TIMP2: variants seen among roughly 807,000 people sequenced by gnomAD.
TIMP2 encodes the protein TIMP metallopeptidase inhibitor 2, also known as metalloproteinase inhibitor 2.
In TIMP2, 5 loss-of-function variants were observed where a neutral mutation model predicts 24.3. That is an observed-to-expected ratio of 0.21 (90% CI 0.11 to 0.43). The LOEUF is 0.43. Ranked by LOEUF, TIMP2 falls within the 20% of genes least tolerant of loss-of-function variation. The pLI is 1.00. For missense variants in TIMP2, 221 were observed against 297.5 expected (o/e 0.74, Z 1.89); for synonymous variants, 130 against 123.2 (o/e 1.06, Z -0.37).
Position 78,891,399 on chromosome 17 carries a change from T to C in TIMP2, c.131-17480A>G. 6 of 1,550,768 alleles carry C rather than the reference T, an allele frequency of 3.9e-6. No homozygotes were observed. Among genetic ancestry groups the C allele is most frequent in the Non-Finnish European group, 5.2e-6 (6 of 1,147,040 alleles). ...TGCCCTTCCCCAGGTCTCTGGTCCATCCTGGGCTTCAGTGCCAGGTACAAG... is the reference window on the plus strand; with the variant it reads ...TGCCCTTCCCCAGGTCTCTGGTCCACCCTGGGCTTCAGTGCCAGGTACAAG... On this transcript the variant is annotated intron_variant, in intron 1 of 4. Coordinates refer to ENST00000262768, the MANE Select transcript of TIMP2 (RefSeq NM_003255.5). The surrounding 1 kb of genome is among the most constrained non-coding windows in gnomAD (Gnocchi z 4.5).
intron 1 of TIMP2, among the ~76,000 whole-genome samples, chr17:78,893,010 T>C (rs2069925882): frequency 6.6e-6 from 1 of 151,834 alleles, no homozygotes; most frequent in Admixed American, 6.6e-5. Flanking sequence ...GAATTGATCG[T>C]AAAGGAAAGG....
intron 1 of TIMP2, among the ~76,000 whole-genome samples, chr17:78,905,757 G>C (rs2070153045): frequency 6.6e-6 from 1 of 152,254 alleles, no homozygotes; most frequent in African/African-American, 2.4e-5. Context: ...TGTTCTCTCT[G>C]GCATGGGATT....
At chr17:78,879,089 G>A (rs1429372322) in intron 1 of TIMP2, among the ~76,000 whole-genome samples, 2 of 152,228 alleles carry the variant, frequency 1.3e-5, no homozygotes, top group East Asian at 3.9e-4. Flanking sequence ...CCTGTCGGGG[G>A]TTGTTGCCCA....
chr17:78,860,170 T>C (rs1356813084), intron 3 of TIMP2, among the ~76,000 whole-genome samples: 3 of 151,950 alleles, frequency 2.0e-5, no homozygotes, highest in Non-Finnish European at 2.9e-5. Flanking sequence ...AGTAAGACTC[T>C]GTCTTCAAAA....
At position 78,855,764 on chromosome 17, in the gene TIMP2, T is replaced by C. The variant is rs2145743161; in HGVS notation, c.566A>G (p.Lys189Arg). The change falls in exon 5 of 5, where the codon AAG (lysine) becomes AGG (arginine). Residue 189 changes from lysine to arginine, a missense_variant. Transcript: ENST00000262768. The surrounding 1 kb of genome is among the most constrained non-coding windows in gnomAD (Gnocchi z 6.0). ...ACTTCTCTTGATGCAGGCGAAGAAC[T>C]TGGCCTGGTGCCCGTTGATGTTCTT... Reference protein sequence around the residue: ...TEKNINGHQAKFFACIKRSDG... With the variant: ...TEKNINGHQARFFACIKRSDG... The C allele has an allele frequency of 3.7e-6, 6 of 1,614,198 alleles. No homozygotes were observed. The highest frequency in any genetic ancestry group is 3.3e-4 in the Middle Eastern group (2 of 6,062).
At chr17:78,884,387 A>T (rs559529042) in intron 1 of TIMP2, among the ~76,000 whole-genome samples, 166 of 152,272 alleles carry the variant, frequency 1.1e-3, no homozygotes, top group Non-Finnish European at 1.9e-3. Context: ...ATTGGCACTG[A>T]CTGTCTTTGA....
chr17:78,911,771 T>C (rs61162916), intron 1 of TIMP2, among the ~76,000 whole-genome samples: 87,167 of 150,972 alleles, frequency 0.58, 25,625 homozygotes, highest in African/African-American at 0.7. Context: ...CTTGGCAGGG[T>C]GTGGTGGCTC....
intron 1 of TIMP2, chr17:78,890,771 C>T: frequency 6.4e-7 from 1 of 1,550,634 alleles, no homozygotes. Flanking sequence ...GTCGGCGAGG[C>T]TGGTGCCCGA....
At chr17:78,860,612 C>T (rs944407920) in intron 3 of TIMP2, among the ~76,000 whole-genome samples, 7 of 152,196 alleles carry the variant, frequency 4.6e-5, no homozygotes, top group Non-Finnish European at 1.0e-4. Context: ...CCTTTATCTT[C>T]GGGTCCTTTT....
Position 78,871,083 on chromosome 17 carries a change from C to T in TIMP2, c.232-77G>A, listed in dbSNP as rs111507479. On this transcript the variant is annotated intron_variant, in intron 2 of 4. Transcript: ENST00000262768. Reference sequence around the variant, plus strand: ...TGAATTCCGTTCCCATCCAGAACACCCTGGGCGGCACAACCTGTAGCTGGG... The same window carrying T: ...TGAATTCCGTTCCCATCCAGAACACTCTGGGCGGCACAACCTGTAGCTGGG... 32 of 1,254,720 alleles carry T rather than the reference C, an allele frequency of 2.6e-5. No homozygotes were observed. In the African/African-American group the frequency reaches 4.1e-4, roughly 16 times the overall value. The allele number at this position is 1,254,720 out of a possible 1,614,324, so 77.7% of individuals were successfully genotyped here.
chr17:78,883,810 C>T (rs2069800258), intron 1 of TIMP2, among the ~76,000 whole-genome samples: 1 of 152,170 alleles, frequency 6.6e-6, no homozygotes, highest in Non-Finnish European at 1.5e-5. Context: ...AGCCTTCCTG[C>T]CGCCCTCCCC....
In TIMP2 at chr17:78,855,823, C is replaced by T. The variant is rs775521446; in HGVS notation, c.507G>A (p.Pro169=). The change falls in exon 5 of 5, where the codon CCG becomes CCA. Residue 169 remains proline, a synonymous_variant. Transcript: ENST00000262768. The surrounding 1 kb of genome is among the most constrained non-coding windows in gnomAD (Gnocchi z 6.0). ...CPMIPCYISS[P]DECLWMDWVT... ...CCCAGTCCATCCAGAGGCACTCGTC[C>T]GGGGAGGAGATGTAGCACGGGATCA... The T allele has an allele frequency of 1.2e-5, 19 of 1,613,948 alleles. No individual in the cohort carries two copies. Among genetic ancestry groups the T allele is most frequent in the African/African-American group, 1.3e-5 (1 of 74,894 alleles).
chr17:78,911,268 A>C (rs2070204477), intron 1 of TIMP2, among the ~76,000 whole-genome samples: 1 of 152,078 alleles, frequency 6.6e-6, no homozygotes, highest in Non-Finnish European at 1.5e-5. Flanking sequence ...GGAAAGGGGA[A>C]GCTGGTCTTC....
Position 78,891,352 on chromosome 17 carries a change from C to T in TIMP2, c.131-17433G>A. ...TCCCTCTTGGGGTCCCAGCGCCACA[C>T]TCTTGCATCTCTGAGAAGGCATGCC... On this transcript the variant is annotated intron_variant, in intron 1 of 4. Coordinates refer to ENST00000262768, the MANE Select transcript of TIMP2 (RefSeq NM_003255.5). This position sits in a 1 kb window ranked among gnomAD's most constrained non-coding sequence, Gnocchi z 4.5. 4 of 1,550,550 alleles carry T rather than the reference C, an allele frequency of 2.6e-6. No individual in the cohort carries two copies. The highest frequency in any genetic ancestry group is 3.5e-6 in the Non-Finnish European group (4 of 1,146,990).
intron 1 of TIMP2, among the ~76,000 whole-genome samples, chr17:78,878,003 G>A (rs1314981380): frequency 6.6e-6 from 1 of 152,162 alleles, no homozygotes. Context: ...ACCGCGCCCG[G>A]CCTTGGAGCT....
At chr17:78,907,613 T>A (rs145598040) in intron 1 of TIMP2, among the ~76,000 whole-genome samples, 1 of 152,166 alleles carries the variant, frequency 6.6e-6, no homozygotes, top group African/African-American at 2.4e-5. Context: ...CAAGAATTAT[T>A]AAAATGGGAC....
At chr17:78,903,260 G>C (rs964628943) in intron 1 of TIMP2, 1 of 152,374 alleles carries the variant, frequency 6.6e-6, no homozygotes, top group Non-Finnish European at 1.5e-5. Flanking sequence ...TGGCAGGGGT[G>C]AGGTCAGGGA....
At chr17:78,882,981 G>A (rs534566393) in intron 1 of TIMP2, among the ~76,000 whole-genome samples, 163 of 152,258 alleles carry the variant, frequency 1.1e-3, no homozygotes, top group African/African-American at 3.8e-3. Context: ...CAGCGGGTGC[G>A]GCAGACCTCC....
intron 1 of TIMP2, chr17:78,892,400 G>C: frequency 6.4e-7 from 1 of 1,550,552 alleles, no homozygotes; most frequent in East Asian, 2.4e-5. Context: ...AAGAGTGGAG[G>C]GTTCAAGGGG....
Sources: allele counts gnomAD v4.1 joint callset (sites outside exome capture counted in the v4.1 genomes callset), GRCh38; gene constraint gnomAD v4.1.1; non-coding constraint Gnocchi (gnomAD v3.1); transcripts MANE v1.5; gene names NCBI Gene and HGNC (gene_info 2026-07-23, HGNC 2026-07-21).